Variants in SKI observed in about 807,000 individuals in gnomAD.
The protein encoded by SKI is SKI proto-oncogene.
In SKI, 23 loss-of-function variants were observed where a neutral mutation model predicts 59.3. The observed-to-expected ratio is 0.39, with a 90% CI of 0.28 to 0.55. The LOEUF is 0.55. Ranked by LOEUF, SKI falls within the 20% of genes least tolerant of loss-of-function variation. The probability of loss-of-function intolerance (pLI) is 0.67; values close to 1 mark genes in which losing one functional copy is unlikely to be tolerated. For synonymous variants in SKI, 673 were observed against 488.6 expected (o/e 1.38, Z -4.98); for missense variants, 1,017 against 1,038.9 (o/e 0.98, Z 0.29).
intron 1 of SKI, among the ~76,000 whole-genome samples, chr1:2,230,550 C>T (rs918613707): frequency 1.3e-5 from 2 of 152,194 alleles, no homozygotes; most frequent in African/African-American, 4.8e-5. Flanking sequence ...CCCTCTGAAA[C>T]GCAGAGGGGT....
intron 1 of SKI, among the ~76,000 whole-genome samples, chr1:2,279,209 C>T (rs61759151): frequency 1.3e-5 from 2 of 152,218 alleles, no homozygotes; most frequent in East Asian, 3.8e-4. Flanking sequence ...CTGAGCGGGA[C>T]TGCCTCTGGC....
intron 1 of SKI, among the ~76,000 whole-genome samples, chr1:2,272,466 C>T (rs544194616): frequency 1.1e-4 from 17 of 152,166 alleles, no homozygotes; most frequent in Admixed American, 5.2e-4. Flanking sequence ...TCTGCAGCTC[C>T]CAGCGGCACT....
intron 1 of SKI, among the ~76,000 whole-genome samples, chr1:2,253,017 A>G (rs1463653127): frequency 1.3e-5 from 2 of 151,820 alleles, no homozygotes; most frequent in East Asian, 1.9e-4. Flanking sequence ...AAGAGCTTGA[A>G]TCCGGGAGGC....
At chr1:2,305,933 C>T in intron 5 of SKI, 87 bp from the exon 6 acceptor site, 1 of 1,041,276 alleles carries the variant, frequency 9.6e-7, no homozygotes, top group Admixed American at 2.0e-5. Flanking sequence ...TAGATGACCC[C>T]ACGGGGTGGG....
At chr1:2,255,496 A>G (rs1639254111) in intron 1 of SKI, among the ~76,000 whole-genome samples, 1 of 151,156 alleles carries the variant, frequency 6.6e-6, no homozygotes, top group African/African-American at 2.4e-5. Flanking sequence ...TCCTGACCTC[A>G]TTTCCTGCCT....
At chr1:2,254,551 G>C (rs1639233172) in intron 1 of SKI, among the ~76,000 whole-genome samples, 2 of 152,228 alleles carry the variant, frequency 1.3e-5, no homozygotes, top group Admixed American at 1.3e-4. Flanking sequence ...CGCGGCCTCT[G>C]GCTGTCAGCC....
intron 1 of SKI, among the ~76,000 whole-genome samples, chr1:2,263,983 C>T (rs557080053): frequency 2.0e-4 from 31 of 151,596 alleles, no homozygotes; most frequent in African/African-American, 7.5e-4. Flanking sequence ...CGAGAACAGC[C>T]TGGGCAACAT....
In SKI at chr1:2,303,438, G is replaced by C; in HGVS notation, c.1211+38G>C. The C allele has an allele frequency of 6.4e-7, 1 of 1,564,962 alleles. No individual in the cohort carries two copies. Among genetic ancestry groups the C allele is most frequent in the Non-Finnish European group, 8.8e-7 (1 of 1,139,278 alleles). On this transcript the variant is annotated intron_variant, in intron 3 of 6. Transcript: ENST00000378536. The surrounding 1 kb of genome is among the most constrained non-coding windows in gnomAD (Gnocchi z 5.6). ...CATTCACAGGTGTTTCTGATCACGG[G>C]GGAGGCTCCACGAGGGCTGTGCATG... is the stretch of plus-strand genomic sequence containing the variant.
chr1:2,309,453 G>A lies in SKI; in HGVS notation c.*2688G>A, dbSNP rs1367162734. The A allele has an allele frequency of 6.6e-6, 1 of 152,106 alleles. No individual in the cohort carries two copies. Among genetic ancestry groups the A allele is most frequent in the Non-Finnish European group, 1.5e-5 (1 of 68,026 alleles). 9.4% of individuals were successfully genotyped at this position (152,106 alleles called of 1,614,324 possible). A position where few individuals can be genotyped will look rare whatever the true frequency, so the allele number is the denominator to read the frequency against. On this transcript the variant is annotated 3_prime_UTR_variant, in exon 7 of 7. Coordinates refer to ENST00000378536, the MANE Select transcript of SKI (RefSeq NM_003036.4). ...TAGCCAATGTAAAAACAGTTCACCTGTAAATACTTTTTCCTTTTTCACCGT... is the reference window on the plus strand; with the variant it reads ...TAGCCAATGTAAAAACAGTTCACCTATAAATACTTTTTCCTTTTTCACCGT...
In SKI at chr1:2,308,973, C is replaced by T. The variant is rs1245431891; in HGVS notation, c.*2208C>T. ...TCTGGGAGGGTCCAGCCAGTGTCAC[C>T]TGGGCCCACCCTTTCCTGCAGCTGC... On this transcript the variant is annotated 3_prime_UTR_variant, in exon 7 of 7. Transcript: ENST00000378536. The T allele has an allele frequency of 1.3e-5, 2 of 152,312 alleles. No individual in the cohort carries two copies. The highest frequency in any genetic ancestry group is 2.4e-5 in the African/African-American group (1 of 41,460). 9.4% of individuals were successfully genotyped at this position (152,312 alleles called of 1,614,324 possible).
Position 2,228,756 on chromosome 1 carries a change from C to T in SKI, c.-11C>T, listed in dbSNP as rs1246353625. 10 of 1,186,808 alleles carry T rather than the reference C, an allele frequency of 8.4e-6. No individual in the cohort carries two copies. Among genetic ancestry groups the T allele is most frequent in the Non-Finnish European group, 1.1e-5 (10 of 949,430 alleles). The allele number at this position is 1,186,808 out of a possible 1,614,324, so 73.5% of individuals were successfully genotyped here. On this transcript the variant is annotated 5_prime_UTR_variant, in exon 1 of 7. Coordinates refer to ENST00000378536, the MANE Select transcript of SKI (RefSeq NM_003036.4). Reference sequence around the variant, plus strand: ...CGGGAGCGGGAGCGGCCGGGGGAGCCGGAGCGCACCATGGAGGCGGCGGCA... The same window carrying T: ...CGGGAGCGGGAGCGGCCGGGGGAGCTGGAGCGCACCATGGAGGCGGCGGCA...
intron 1 of SKI, among the ~76,000 whole-genome samples, chr1:2,238,637 G>A (rs982001827): frequency 6.6e-6 from 1 of 152,228 alleles, no homozygotes; most frequent in African/African-American, 2.4e-5. Context: ...GGCGGGAGAG[G>A]AGCACACTGG....
Position 2,303,164 on chromosome 1 carries a change from G to A in SKI, c.1095+61G>A. 3.1e-6 allele frequency: 5 copies of A among 1,609,502 alleles called. No homozygotes were observed. Among genetic ancestry groups the A allele is most frequent in the Non-Finnish European group, 4.2e-6 (5 of 1,177,810 alleles). ...GGTACTGGGCCCTTCTCCTTGGGCA[G>A]ACCCAGCGGCTGGCAGCTCCACCTG... On this transcript the variant is annotated intron_variant, in intron 2 of 6. Transcript: ENST00000378536. This position sits in a 1 kb window ranked among gnomAD's most constrained non-coding sequence, Gnocchi z 5.6.
At chr1:2,275,399 C>A (rs1172381198) in intron 1 of SKI, among the ~76,000 whole-genome samples, 2 of 152,220 alleles carry the variant, frequency 1.3e-5, no homozygotes, top group Admixed American at 1.3e-4. Context: ...TTTTTAGGTG[C>A]TCTGAGGCGA....
chr1:2,238,755 C>T (rs1164327621), intron 1 of SKI, among the ~76,000 whole-genome samples: 1 of 152,222 alleles, frequency 6.6e-6, no homozygotes, highest in Non-Finnish European at 1.5e-5. Flanking sequence ...GTCCTGTGGG[C>T]TGGCACTCAC....
chr1:2,305,972 G>T, intron 5 of SKI, 48 bp from the exon 6 acceptor site: 1 of 1,402,432 alleles, frequency 7.1e-7, no homozygotes, highest in Non-Finnish European at 9.9e-7. Context: ...GGTGAGGGGT[G>T]TGCTGGGACC....
At chr1:2,264,822 G>T (rs1164266588) in intron 1 of SKI, among the ~76,000 whole-genome samples, 1 of 150,914 alleles carries the variant, frequency 6.6e-6, no homozygotes, top group Non-Finnish European at 1.5e-5. Context: ...TCTTTCCTTT[G>T]TTTTTTTGAG....
At chr1:2,288,843 TC>T (rs926498340) in intron 1 of SKI, among the ~76,000 whole-genome samples, 1 of 152,036 alleles carries the variant, frequency 6.6e-6, no homozygotes, top group African/African-American at 2.4e-5. Flanking sequence ...CATCCTTTGA[TC>T]CCCTCTTCCA....
At chr1:2,293,427 G>C (rs372644761) in intron 1 of SKI, among the ~76,000 whole-genome samples, 7 of 142,792 alleles carry the variant, frequency 4.9e-5, no homozygotes, top group Admixed American at 1.4e-4. Flanking sequence ...CCAGGGCGAG[G>C]CCCCCCCCCA....
Sources: gnomAD v4.1 joint callset for allele counts (sites outside exome capture counted in the v4.1 genomes callset) on GRCh38, gnomAD v4.1.1 for gene constraint, Gnocchi (gnomAD v3.1) non-coding constraint, MANE v1.5 for transcripts, NCBI Gene and HGNC (gene_info 2026-07-23, HGNC 2026-07-21) for gene names.